COL13A1: variants seen among roughly 807,000 people sequenced by gnomAD.
COL13A1 encodes collagen type XIII alpha 1 chain, also known as collagen alpha-1(XIII) chain.
Under a neutral mutation model 130.9 loss-of-function variants are expected in COL13A1, and 89 were observed. The observed-to-expected ratio is 0.68, with a 90% CI of 0.57 to 0.81. The LOEUF is 0.81. Among genes scored for constraint, COL13A1 ranks in the 30% least tolerant of loss-of-function variants. The pLI is 0.00. For synonymous variants in COL13A1, 402 were observed against 341.6 expected (o/e 1.18, Z -1.95); for missense variants, 879 against 934.6 (o/e 0.94, Z 0.78).
At chr10:69,909,092 A>G (rs1048536263) in intron 17 of COL13A1, among the ~76,000 whole-genome samples, 10 of 152,198 alleles carry the variant, frequency 6.6e-5, no homozygotes, top group Non-Finnish European at 1.3e-4. Context: ...TCATGGGGAC[A>G]GAGTTGGCTC....
chr10:69,907,683 C>A (rs1016988754), intron 17 of COL13A1, among the ~76,000 whole-genome samples: 2 of 152,104 alleles, frequency 1.3e-5, no homozygotes, highest in African/African-American at 4.8e-5. Context: ...CAATAACTAA[C>A]CCACTCTCAC....
intron 6 of COL13A1, among the ~76,000 whole-genome samples, chr10:69,878,832 T>G (rs550619075): frequency 3.3e-5 from 5 of 152,374 alleles, no homozygotes; most frequent in African/African-American, 1.2e-4. Flanking sequence ...ACTCATCTGA[T>G]GCCCAAGGAA....
At chr10:69,869,493 G>A (rs932155956) in intron 3 of COL13A1, among the ~76,000 whole-genome samples, 2 of 152,228 alleles carry the variant, frequency 1.3e-5, no homozygotes, top group African/African-American at 4.8e-5. Flanking sequence ...CCGTCTGGGT[G>A]TATCCTGGGG....
At chr10:69,852,375 C>A (rs1485607129) in intron 2 of COL13A1, among the ~76,000 whole-genome samples, 1 of 152,172 alleles carries the variant, frequency 6.6e-6, no homozygotes, top group African/African-American at 2.4e-5. Flanking sequence ...TTTATCATTT[C>A]ACATATGTTA....
intron 10 of COL13A1, among the ~76,000 whole-genome samples, chr10:69,891,467 A>T (rs1344880817): frequency 6.6e-6 from 1 of 152,192 alleles, no homozygotes; most frequent in East Asian, 1.9e-4. Flanking sequence ...CTGGAGGCAG[A>T]AGGCCCTGGA....
In COL13A1 at chr10:69,877,753, G is replaced by A. The variant is rs962573119; in HGVS notation, c.436-286G>A. The A allele has an allele frequency of 1.2e-4, 43 of 359,362 alleles. 1 individual carries two copies. The highest frequency in any genetic ancestry group is 3.1e-5 in the Non-Finnish European group (6 of 191,060). 22.3% of individuals were successfully genotyped at this position (359,362 alleles called of 1,614,324 possible). A position where few individuals can be genotyped will look rare whatever the true frequency, so the allele number is the denominator to read the frequency against. The stretch of plus-strand genomic sequence containing the variant: ...CACACACACACACACACACGTACGT[G>A]CCTCAAGAGGGCCTCTTACGGCCCC... On this transcript the variant is annotated intron_variant, in intron 5 of 40. Transcript: ENST00000645393.
chr10:69,933,515 G>A (rs1043074835), intron 31 of COL13A1, among the ~76,000 whole-genome samples: 3 of 152,112 alleles, frequency 2.0e-5, no homozygotes, highest in Non-Finnish European at 4.4e-5. Flanking sequence ...GTTTGGTGGC[G>A]GGGTCTGGGC....
intron 35 of COL13A1, among the ~76,000 whole-genome samples, chr10:69,942,581 A>G (rs2136107544): frequency 6.7e-6 from 1 of 149,928 alleles, no homozygotes; most frequent in East Asian, 1.9e-4. Flanking sequence ...ACTTTAAGGG[A>G]AAATGTGGGG....
intron 1 of COL13A1, among the ~76,000 whole-genome samples, chr10:69,812,186 G>T (rs1167532898): frequency 6.6e-6 from 1 of 152,214 alleles, no homozygotes; most frequent in Non-Finnish European, 1.5e-5. Context: ...GCCTTCAGGT[G>T]CAGCCCTTGT....
chr10:69,864,089 A>G (rs1859069939), intron 2 of COL13A1, among the ~76,000 whole-genome samples: 1 of 152,104 alleles, frequency 6.6e-6, no homozygotes, highest in African/African-American at 2.4e-5. Flanking sequence ...AATAAATTAA[A>G]TTAAATTAAA....
At chr10:69,877,703 A>AGT (rs2059733715) in intron 5 of COL13A1, 1 of 19,258 alleles carries the variant, frequency 5.2e-5, no homozygotes, top group Admixed American at 6.5e-4. Flanking sequence ...TCTCTCTCAC[A>AGT]CACACACACA....
chr10:69,914,077 C>T (rs1447022510), intron 17 of COL13A1, among the ~76,000 whole-genome samples: 3 of 152,162 alleles, frequency 2.0e-5, no homozygotes, highest in Non-Finnish European at 4.4e-5. Context: ...AGGACAACCC[C>T]AATTAGCCTG....
chr10:69,876,667 T>C (rs1336268713), intron 5 of COL13A1, among the ~76,000 whole-genome samples: 3 of 152,290 alleles, frequency 2.0e-5, no homozygotes. Context: ...GAAACGTGAT[T>C]CAACCATCCT....
intron 17 of COL13A1, among the ~76,000 whole-genome samples, chr10:69,907,653 TG>T (rs2062910139): frequency 6.8e-6 from 1 of 147,378 alleles, no homozygotes; most frequent in Non-Finnish European, 1.5e-5. Context: ...CCCACTCTCA[TG>T]ATGACTAACC....
Position 69,811,934 on chromosome 10 carries a change from A to G in COL13A1, c.294+9217A>G, listed in dbSNP as rs574323482. ...CACACCCACCCCAGCTCTCCTGCCC[A>G]CACCTTCTCAGCCTCTGCAGACCTG... is the stretch of plus-strand genomic sequence containing the variant. On this transcript the variant is annotated intron_variant, in intron 1 of 40. Transcript: ENST00000645393. Among the ~76,000 whole-genome samples, 102 of 152,042 alleles carry G rather than the reference A, an allele frequency of 6.7e-4. 1 individual carries two copies. The highest frequency in any genetic ancestry group is 3.4e-3 in the Middle Eastern group (1 of 294).
intron 1 of COL13A1, among the ~76,000 whole-genome samples, chr10:69,803,823 T>G (rs1426303077): frequency 6.6e-6 from 1 of 152,154 alleles, no homozygotes; most frequent in Non-Finnish European, 1.5e-5. Flanking sequence ...GAAACAGTGC[T>G]GATGTAGCAA....
chr10:69,870,019 T>A (rs759757993), intron 3 of COL13A1, among the ~76,000 whole-genome samples: 1 of 152,208 alleles, frequency 6.6e-6, no homozygotes, highest in African/African-American at 2.4e-5. Context: ...CCAGACCAAC[T>A]GCAATCAAAT....
rs193029230 is a variant in COL13A1 at position 69,918,974 on chromosome 10, C to T, written c.1000-88C>T. 2.9e-4 allele frequency: 435 copies of T among 1,522,108 alleles called. 4 individuals carry two copies. The South Asian group carries it at 4.4e-3, about 15-fold the overall frequency. The allele number at this position is 1,522,108 out of a possible 1,614,324, so 94.3% of individuals were successfully genotyped here. A position where few individuals can be genotyped will look rare whatever the true frequency, so the allele number is the denominator to read the frequency against. The stretch of plus-strand genomic sequence containing the variant: ...TGTTTCACTAACCCCACCCTGACTG[C>T]CCCCAACCCCACCTCCACCAACAGG... On this transcript the variant is annotated intron_variant, in intron 19 of 40. Coordinates refer to ENST00000645393, the MANE Select transcript of COL13A1 (RefSeq NM_001368882.1).
intron 37 of COL13A1, among the ~76,000 whole-genome samples, chr10:69,946,009 G>A (rs1331115013): frequency 6.6e-6 from 1 of 151,622 alleles, no homozygotes; most frequent in African/African-American, 2.4e-5. Context: ...GGTGGAGGTT[G>A]CAGTGAGCCG....
Sources: gnomAD v4.1 joint callset for allele counts (sites outside exome capture counted in the v4.1 genomes callset) on GRCh38, gnomAD v4.1.1 for gene constraint, MANE v1.5 for transcripts, NCBI Gene and HGNC (gene_info 2026-07-23, HGNC 2026-07-21) for gene names.